Variants in KCNIP4 observed in about 807,000 individuals in gnomAD.
KCNIP4 encodes the protein potassium voltage-gated channel interacting protein 4.
In KCNIP4, 12 loss-of-function variants were observed where a neutral mutation model predicts 34.0. That is an observed-to-expected ratio of 0.35 (90% CI 0.23 to 0.57). The LOEUF (loss-of-function observed/expected upper bound fraction) is 0.57. Ranked by LOEUF, KCNIP4 falls within the 20% of genes least tolerant of loss-of-function variation. The pLI is 0.83. For synonymous variants in KCNIP4, 124 were observed against 102.2 expected (o/e 1.21, Z -1.29); for missense variants, 238 against 311.7 (o/e 0.76, Z 1.78).
At chr4:20,748,529 C>G (rs943817391) in intron 5 of KCNIP4, among the ~76,000 whole-genome samples, 3 of 145,404 alleles carry the variant, frequency 2.1e-5, no homozygotes, top group African/African-American at 7.6e-5. Context: ...CATCCTTCCT[C>G]ACTTCCAAAA....
intron 1 of KCNIP4, among the ~76,000 whole-genome samples, chr4:21,644,141 G>T: frequency 6.6e-6 from 1 of 151,996 alleles, no homozygotes; most frequent in Non-Finnish European, 1.5e-5. Context: ...TCATTTCACA[G>T]CAACTCCATG....
At chr4:21,361,218 A>C (rs763557705) in intron 1 of KCNIP4, among the ~76,000 whole-genome samples, 20 of 152,092 alleles carry the variant, frequency 1.3e-4, no homozygotes, top group African/African-American at 1.9e-4. Context: ...ACCTTACCTT[A>C]TAACTTGTTA....
At chr4:21,605,299 A>G (rs777084428) in intron 1 of KCNIP4, among the ~76,000 whole-genome samples, 3 of 152,152 alleles carry the variant, frequency 2.0e-5, no homozygotes, top group Non-Finnish European at 4.4e-5. Flanking sequence ...ACAAAGGTAA[A>G]TAAACTTTCC....
chr4:21,246,422 G>T (rs1034715544), intron 1 of KCNIP4, among the ~76,000 whole-genome samples: 1 of 152,120 alleles, frequency 6.6e-6, no homozygotes, highest in Non-Finnish European at 1.5e-5. Flanking sequence ...CTAGAATTTA[G>T]TTTTACATGA....
intron 2 of KCNIP4, among the ~76,000 whole-genome samples, chr4:20,856,628 T>C (rs1312774010): frequency 2.0e-5 from 3 of 152,174 alleles, no homozygotes; most frequent in Non-Finnish European, 4.4e-5. Flanking sequence ...AAACAAAGGA[T>C]ATTCCTGCTC....
At chr4:21,183,420 A>G (rs1385565049) in intron 1 of KCNIP4, among the ~76,000 whole-genome samples, 1 of 146,518 alleles carries the variant, frequency 6.8e-6, no homozygotes, top group Admixed American at 6.8e-5. Flanking sequence ...TCTATTTTTA[A>G]TTTTTGGAGG....
At chr4:21,374,136 A>AG (rs1472498537) in intron 1 of KCNIP4, among the ~76,000 whole-genome samples, 2 of 147,558 alleles carry the variant, frequency 1.4e-5, no homozygotes, top group Non-Finnish European at 2.9e-5. Flanking sequence ...AAGAACACCT[A>AG]GGGGGTGCTT....
At chr4:21,170,301 T>C (rs1753927473) in intron 1 of KCNIP4, among the ~76,000 whole-genome samples, 1 of 152,174 alleles carries the variant, frequency 6.6e-6, no homozygotes, top group Non-Finnish European at 1.5e-5. Context: ...TAAGTAAAAA[T>C]AGTGTACTAC....
intron 1 of KCNIP4, among the ~76,000 whole-genome samples, chr4:20,904,777 T>C (rs1727550356): frequency 6.6e-6 from 1 of 152,214 alleles, no homozygotes; most frequent in South Asian, 2.1e-4. Context: ...GAACTCTTGA[T>C]TCAAATTTGA....
At chr4:20,791,012 C>T (rs1310872884) in intron 3 of KCNIP4, among the ~76,000 whole-genome samples, 5 of 152,038 alleles carry the variant, frequency 3.3e-5, no homozygotes, top group East Asian at 3.9e-4. Context: ...TTGCTCATCC[C>T]CAATCTTCTG....
chr4:21,459,515 T>A (rs1729261739), intron 1 of KCNIP4, among the ~76,000 whole-genome samples: 1 of 152,012 alleles, frequency 6.6e-6, no homozygotes, highest in Non-Finnish European at 1.5e-5. Context: ...CATGGCTTTA[T>A]GATTAACACT....
At chr4:21,078,508 A>C (rs1294424560) in intron 1 of KCNIP4, among the ~76,000 whole-genome samples, 1 of 151,976 alleles carries the variant, frequency 6.6e-6, no homozygotes, top group Non-Finnish European at 1.5e-5. Flanking sequence ...TCTTCTTATA[A>C]GAGCACTAAT....
intron 1 of KCNIP4, among the ~76,000 whole-genome samples, chr4:21,342,048 A>G (rs1716810155): frequency 6.6e-6 from 1 of 152,154 alleles, no homozygotes; most frequent in Non-Finnish European, 1.5e-5. Flanking sequence ...ATAAGAAACA[A>G]GGATGCAACA....
At chr4:20,825,663 C>T (rs1041359987) in intron 3 of KCNIP4, among the ~76,000 whole-genome samples, 3 of 152,170 alleles carry the variant, frequency 2.0e-5, no homozygotes, top group African/African-American at 7.2e-5. Context: ...CACACAGCTC[C>T]AGTGAGAGGT....
chr4:21,461,909 T>A (rs896376962), intron 1 of KCNIP4, among the ~76,000 whole-genome samples: 1 of 152,082 alleles, frequency 6.6e-6, no homozygotes, highest in Non-Finnish European at 1.5e-5. Flanking sequence ...TTGTTTAGAT[T>A]TTATTTTTAA....
chr4:21,486,844 AC>A (rs200801135), intron 1 of KCNIP4, among the ~76,000 whole-genome samples: 18,976 of 151,960 alleles, frequency 0.12, 1,334 homozygotes, highest in South Asian at 0.21. Flanking sequence ...TTGCTCTGTC[AC>A]CCAGGCTGTA....
intron 1 of KCNIP4, among the ~76,000 whole-genome samples, chr4:20,978,815 A>G (rs572254149): frequency 7.2e-5 from 11 of 152,164 alleles, no homozygotes; most frequent in Non-Finnish European, 1.3e-4. Flanking sequence ...TTCTTATGCA[A>G]CTGAGAATAT....
At chr4:21,103,055 T>C (rs535021646) in intron 1 of KCNIP4, among the ~76,000 whole-genome samples, 81 of 152,174 alleles carry the variant, frequency 5.3e-4, no homozygotes, top group African/African-American at 1.6e-3. Flanking sequence ...ATTACAATAT[T>C]AGTTTTACTG....
At chr4:20,854,898 T>C (rs1721412536) in intron 2 of KCNIP4, among the ~76,000 whole-genome samples, 1 of 152,208 alleles carries the variant, frequency 6.6e-6, no homozygotes, top group South Asian at 2.1e-4. Context: ...TGAATTATGT[T>C]TACGCTATAA....
Sources: gnomAD v4.1 joint callset for allele counts (sites outside exome capture counted in the v4.1 genomes callset) on GRCh38, gnomAD v4.1.1 for gene constraint, MANE v1.5 for transcripts, NCBI Gene and HGNC (gene_info 2026-07-23, HGNC 2026-07-21) for gene names.